Variants in ATP9B observed in about 807,000 individuals in gnomAD.
ATP9B encodes the protein probable phospholipid-transporting ATPase IIB.
Under a neutral mutation model 146.1 loss-of-function variants are expected in ATP9B, and 110 were observed. The ratio of observed to expected loss-of-function variants is 0.75; its 90% CI spans 0.65 to 0.88. The LOEUF (loss-of-function observed/expected upper bound fraction) is 0.88. Ranked by LOEUF, ATP9B falls within the 40% of genes least tolerant of loss-of-function variation. ATP9B has a pLI of 0.00. For synonymous variants in ATP9B, 604 were observed against 569.7 expected (o/e 1.06, Z -0.86); for missense variants, 1,499 against 1,496.4 (o/e 1.00, Z -0.03).
At chr18:79,187,185 A>C (rs1315448002) in intron 8 of ATP9B, among the ~76,000 whole-genome samples, 1 of 152,204 alleles carries the variant, frequency 6.6e-6, no homozygotes, top group East Asian at 1.9e-4. Context: ...TCTGTGTATG[A>C]AATCACTTTC....
chr18:79,099,066 T>G (rs1414270730), intron 2 of ATP9B, among the ~76,000 whole-genome samples: 1 of 152,210 alleles, frequency 6.6e-6, no homozygotes, highest in African/African-American at 2.4e-5. Flanking sequence ...TTATTTTGTT[T>G]GACTTTAACT....
At chr18:79,116,869 A>G (rs2094085619) in intron 4 of ATP9B, among the ~76,000 whole-genome samples, 2 of 118,312 alleles carry the variant, frequency 1.7e-5, no homozygotes, top group South Asian at 3.3e-4. Flanking sequence ...ACATGTATAC[A>G]TATGTAACTA....
At chr18:79,254,064 T>C (rs2145104191) in intron 12 of ATP9B, 1 of 152,376 alleles carries the variant, frequency 6.6e-6, no homozygotes, top group Non-Finnish European at 1.5e-5. Flanking sequence ...ATGTAAAGAC[T>C]AATATTTTAC....
At chr18:79,285,322 G>A (rs2096426032) in intron 13 of ATP9B, among the ~76,000 whole-genome samples, 1 of 152,100 alleles carries the variant, frequency 6.6e-6, no homozygotes, top group African/African-American at 2.4e-5. Context: ...TCTAACTGGT[G>A]TGAGATGGTA....
At chr18:79,359,272 G>A (rs2096972737) in intron 25 of ATP9B, 82 bp from the exon 26 acceptor site, 3 of 1,046,630 alleles carry the variant, frequency 2.9e-6, no homozygotes, top group Non-Finnish European at 4.3e-6. Context: ...TTTTGAAGCT[G>A]TGACCTCTAA....
intron 13 of ATP9B, among the ~76,000 whole-genome samples, chr18:79,289,890 TTG>T (rs1568587593): frequency 1.3e-5 from 2 of 152,184 alleles, no homozygotes; most frequent in Non-Finnish European, 2.9e-5. Context: ...CAGACCCTGT[TTG>T]TCTGGGTATT....
At chr18:79,185,675 C>G (rs1403730664) in intron 8 of ATP9B, among the ~76,000 whole-genome samples, 2 of 152,200 alleles carry the variant, frequency 1.3e-5, no homozygotes, top group Non-Finnish European at 2.9e-5. Context: ...GAAGAAAGCT[C>G]TGATTTCATT....
At chr18:79,231,384 A>G (rs1429709909) in intron 11 of ATP9B, among the ~76,000 whole-genome samples, 1 of 152,212 alleles carries the variant, frequency 6.6e-6, no homozygotes, top group Non-Finnish European at 1.5e-5. Context: ...GCCAACAAAT[A>G]TATGAAAAAA....
intron 14 of ATP9B, among the ~76,000 whole-genome samples, 162 bp from the exon 15 acceptor site, chr18:79,306,824 A>G (rs2096622605): frequency 6.6e-6 from 1 of 152,250 alleles, no homozygotes. Context: ...GCTTAAAAAA[A>G]TAACTCATTA....
In ATP9B at chr18:79,345,547, C is replaced by A. The variant is rs1273068772; in HGVS notation, c.2592C>A (p.His864Gln). The A allele has an allele frequency of 1.2e-6, 2 of 1,610,276 alleles. No individual in the cohort carries two copies. The highest frequency in any genetic ancestry group is 2.2e-5 in the South Asian group (2 of 91,072). ...KARIVTLLQQ[H>Q]TGRRTCAIGD... ...GCATTGTGACACTGCTGCAGCAGCA[C>A]ACAGGGAGACGCACCTGCGCCATCG... Residue 864 changes from histidine to glutamine, a missense_variant, in exon 22 of 30, where the codon CAC becomes CAA. Transcript: ENST00000426216.
At chr18:79,371,597 T>C (rs1439281554) in intron 26 of ATP9B, among the ~76,000 whole-genome samples, 4 of 152,266 alleles carry the variant, frequency 2.6e-5, no homozygotes, top group African/African-American at 9.6e-5. Context: ...GGTGGCCTCC[T>C]GCAGGAATAT....
In ATP9B at chr18:79,129,598, T is replaced by C. The variant is rs114164123; in HGVS notation, c.667+3223T>C. On this transcript the variant is annotated intron_variant, in intron 5 of 29. Coordinates refer to ENST00000426216, the MANE Select transcript of ATP9B (RefSeq NM_198531.5). ...GAAGAGAGACTTTAGAGACCATCCA[T>C]GATAAAGAATACACACTTTACAAAA... is the stretch of plus-strand genomic sequence containing the variant. 6.4e-3 allele frequency among the ~76,000 whole-genome samples: 979 copies of C among 152,022 alleles called. 11 individuals carry two copies. The highest frequency in any genetic ancestry group is 0.025 in the South Asian group (119 of 4,804).
intron 9 of ATP9B, among the ~76,000 whole-genome samples, chr18:79,204,818 T>A (rs891097457): frequency 1.3e-5 from 2 of 152,198 alleles, no homozygotes; most frequent in Non-Finnish European, 2.9e-5. Context: ...TGTCCTTTGT[T>A]GTGGCTGGCA....
chr18:79,313,887 G>C (rs2096665657), intron 15 of ATP9B, among the ~76,000 whole-genome samples: 1 of 152,086 alleles, frequency 6.6e-6, no homozygotes, highest in African/African-American at 2.4e-5. Context: ...GAAAACAATA[G>C]ACTTCATCAT....
intron 1 of ATP9B, among the ~76,000 whole-genome samples, chr18:79,088,818 G>C (rs994393119): frequency 3.9e-5 from 6 of 152,092 alleles, no homozygotes; most frequent in Non-Finnish European, 8.8e-5. Flanking sequence ...TATCTTTGTA[G>C]AGAAATCTTG....
chr18:79,285,920 A>T (rs1189554475), intron 13 of ATP9B, among the ~76,000 whole-genome samples: 1 of 150,198 alleles, frequency 6.7e-6, no homozygotes, highest in Non-Finnish European at 1.5e-5. Context: ...CAAAGATCAG[A>T]TAGTTGTAGA....
At chr18:79,105,834 G>C (rs751321594) in intron 2 of ATP9B, among the ~76,000 whole-genome samples, 4 of 152,186 alleles carry the variant, frequency 2.6e-5, no homozygotes, top group Non-Finnish European at 5.9e-5. Context: ...TGAGGGCACA[G>C]AAGCATGGGC....
chr18:79,214,070 G>A (rs1366623547), intron 11 of ATP9B, 32 bp downstream of exon 11: 13 of 1,502,712 alleles, frequency 8.7e-6, no homozygotes, highest in Non-Finnish European at 1.2e-5. Context: ...CTGCTTTAAT[G>A]AACTTATTTT....
chr18:79,355,104 G>T (rs1451215053), intron 25 of ATP9B, among the ~76,000 whole-genome samples: 1 of 152,240 alleles, frequency 6.6e-6, no homozygotes, highest in Non-Finnish European at 1.5e-5. Flanking sequence ...GTCGGCAGAG[G>T]CCGCATGGGG....
Sources: gnomAD v4.1 joint callset for allele counts (sites outside exome capture counted in the v4.1 genomes callset) on GRCh38, gnomAD v4.1.1 for gene constraint, MANE v1.5 for transcripts, NCBI Gene and HGNC (gene_info 2026-07-23, HGNC 2026-07-21) for gene names.